The following DLG2 variants were observed in gnomAD, a reference collection of about 807,000 sequenced individuals.
DLG2 encodes the protein discs large MAGUK scaffold protein 2.
In DLG2, 45 loss-of-function variants were observed where a neutral mutation model predicts 132.5. The observed-to-expected ratio is 0.34, with a 90% CI of 0.27 to 0.44. The LOEUF (loss-of-function observed/expected upper bound fraction) is 0.44, where lower values mean the gene tolerates loss of function less well. Ranked by LOEUF, DLG2 falls within the 20% of genes least tolerant of loss-of-function variation. The probability of loss-of-function intolerance (pLI) is 1.00; values close to 1 mark genes in which losing one functional copy is unlikely to be tolerated. For synonymous variants in DLG2, 424 were observed against 419.6 expected, an observed-to-expected ratio of 1.01 and a Z score of -0.13; for missense variants, 1,045 against 1,196.9, an observed-to-expected ratio of 0.87 and a Z score of 1.87.
chr11:83,620,704 A>G (rs2061486313), intron 19 of DLG2, among the ~76,000 whole-genome samples: 1 of 151,236 alleles, frequency 6.6e-6, no homozygotes, highest in African/African-American at 2.4e-5. Context: ...CCCCGTCTCT[A>G]CTAAAAATAC....
rs765679360 is a variant in DLG2, at chr11:83,833,737, G to T, written c.1599C>A (p.Ser533=). The T allele has an allele frequency of 1.2e-6, 2 of 1,614,020 alleles. No individual in the cohort carries two copies. The highest frequency in any genetic ancestry group is 1.7e-6 in the Non-Finnish European group (2 of 1,179,924). The change falls in exon 17 of 28, where the codon TCC becomes TCA. Residue 533 remains serine, a synonymous_variant. Transcript: ENST00000376104. ...EPRKVVLHKG[S]TGLGFNIVGG... ...CGACAATGTTGAAGCCCAGGCCAGT[G>T]GAGCCTTTGTGCAGGACTACCTTGC...
rs550804634 is a variant in DLG2 at position 85,309,352 on chromosome 11, G to C, written c.41-23987C>G. 8.0e-5 allele frequency among the ~76,000 whole-genome samples: 12 copies of C among 150,710 alleles called. No individual in the cohort carries two copies. The South Asian group carries it at 2.5e-3, about 32-fold the overall frequency. On this transcript the variant is annotated intron_variant, in intron 3 of 27. Coordinates refer to ENST00000376104, the MANE Select transcript of DLG2 (RefSeq NM_001142699.3). ...GAGTTTTGGGATGGCTTATTATGTA[G>C]CAATTTTACAGTAATAGCAAACTGA...
chr11:83,833,843 G>T, intron 16 of DLG2, 73 bp from the exon 17 acceptor site: 1 of 1,468,232 alleles, frequency 6.8e-7, no homozygotes, highest in Non-Finnish European at 9.2e-7. Context: ...ACTTTCAATG[G>T]GATATATGAT....
intron 3 of DLG2, among the ~76,000 whole-genome samples, chr11:85,588,458 C>G (rs1043226724): frequency 1.3e-5 from 2 of 152,114 alleles, no homozygotes; most frequent in Non-Finnish European, 2.9e-5. Context: ...CCTACTCATT[C>G]AACATCATTG....
At chr11:85,490,934 C>T (rs60945243) in intron 3 of DLG2, among the ~76,000 whole-genome samples, 1 of 151,956 alleles carries the variant, frequency 6.6e-6, no homozygotes, top group Non-Finnish European at 1.5e-5. Flanking sequence ...GAGGCCGGTA[C>T]CATCCTGATA....
chr11:84,100,513 GC>G (rs1473089625), intron 9 of DLG2, among the ~76,000 whole-genome samples: 3 of 151,344 alleles, frequency 2.0e-5, no homozygotes, highest in Admixed American at 6.6e-5. Flanking sequence ...TATATTTTAT[GC>G]CCTTTCTGTA....
intron 19 of DLG2, among the ~76,000 whole-genome samples, chr11:83,596,466 C>T (rs576165805): frequency 6.6e-6 from 1 of 152,284 alleles, no homozygotes; most frequent in Non-Finnish European, 1.5e-5. Flanking sequence ...GTGCTTTAAT[C>T]CAGGTCCTTC....
chr11:83,674,919 T>C (rs533085896), intron 18 of DLG2, among the ~76,000 whole-genome samples: 16 of 152,376 alleles, frequency 1.1e-4, no homozygotes, highest in South Asian at 4.1e-4. Flanking sequence ...GGTAGGTGGA[T>C]TGACAGCACT....
chr11:84,078,689 A>C (rs938171767), intron 10 of DLG2, among the ~76,000 whole-genome samples: 1 of 152,168 alleles, frequency 6.6e-6, no homozygotes, highest in African/African-American at 2.4e-5. Context: ...ACCTTACTCA[A>C]TTTAGAAAGC....
At chr11:85,117,265 A>G (rs1390343539) in intron 5 of DLG2, among the ~76,000 whole-genome samples, 1 of 152,078 alleles carries the variant, frequency 6.6e-6, no homozygotes, top group African/African-American at 2.4e-5. Context: ...GAAAGTGTCC[A>G]TGAGGGAAAA....
In DLG2 at chr11:84,502,190, C is replaced by T. The variant is rs1338983285; in HGVS notation, c.519+32380G>A. 1.9e-3 allele frequency among the ~76,000 whole-genome samples: 25 copies of T among 13,242 alleles called. 9 individuals are homozygous for T. The highest frequency in any genetic ancestry group is 0.012 in the African/African-American group (23 of 1,976). 8.7% of individuals were successfully genotyped at this position (13,242 alleles called of 152,430 possible). On this transcript the variant is annotated intron_variant, in intron 7 of 27. Coordinates refer to ENST00000376104, the MANE Select transcript of DLG2 (RefSeq NM_001142699.3). ...TCTCTCTCTCTTTCTCTCTCTTTCT[C>T]TCTCTCTCTCTCCTTCCTTCCTTCC... is the stretch of plus-strand genomic sequence containing the variant.
intron 7 of DLG2, among the ~76,000 whole-genome samples, chr11:84,274,423 T>G (rs980957458): frequency 6.6e-6 from 1 of 152,192 alleles, no homozygotes; most frequent in Non-Finnish European, 1.5e-5. Context: ...AATTATGCAT[T>G]TAATTGACCT....
At chr11:84,513,399 A>G (rs2099262902) in intron 7 of DLG2, among the ~76,000 whole-genome samples, 1 of 152,052 alleles carries the variant, frequency 6.6e-6, no homozygotes, top group Non-Finnish European at 1.5e-5. Context: ...GTATAAAGAA[A>G]AATAACTGGA....
chr11:83,504,199 G>T (rs2094582684), intron 21 of DLG2, among the ~76,000 whole-genome samples: 1 of 152,154 alleles, frequency 6.6e-6, no homozygotes, highest in East Asian at 1.9e-4. Context: ...GTCATAGCTG[G>T]TATTGATGAC....
intron 6 of DLG2, among the ~76,000 whole-genome samples, chr11:84,846,436 C>T (rs1292991297): frequency 6.6e-6 from 1 of 152,148 alleles, no homozygotes; most frequent in Admixed American, 6.6e-5. Flanking sequence ...AATACATCAA[C>T]AGGTCCTTCC....
chr11:84,668,918 G>A (rs966513566), intron 6 of DLG2, among the ~76,000 whole-genome samples: 33 of 152,118 alleles, frequency 2.2e-4, no homozygotes, highest in African/African-American at 7.7e-4. Flanking sequence ...CAATGTGCCA[G>A]GCACTGTTCT....
chr11:84,421,206 G>A (rs763098401), intron 7 of DLG2, among the ~76,000 whole-genome samples: 2 of 152,126 alleles, frequency 1.3e-5, no homozygotes, highest in Non-Finnish European at 2.9e-5. Flanking sequence ...GTACCTTGAT[G>A]TCAGACTTTC....
chr11:83,835,958 C>T (rs1203353231), intron 16 of DLG2, among the ~76,000 whole-genome samples: 3 of 152,142 alleles, frequency 2.0e-5, no homozygotes, highest in Admixed American at 1.3e-4. Context: ...ATAGTATATA[C>T]ACATACATCA....
At chr11:84,027,606 C>T (rs558487685) in intron 11 of DLG2, among the ~76,000 whole-genome samples, 27 of 152,018 alleles carry the variant, frequency 1.8e-4, no homozygotes, top group African/African-American at 6.0e-4. Flanking sequence ...ATATTACTTA[C>T]AAAAAGTAAG....
Sources: allele counts gnomAD v4.1 joint callset (sites outside exome capture counted in the v4.1 genomes callset), GRCh38; gene constraint gnomAD v4.1.1; transcripts MANE v1.5; gene names NCBI Gene and HGNC (gene_info 2026-07-23, HGNC 2026-07-21).